IL1R1: variants seen among roughly 807,000 people sequenced by gnomAD.
IL1R1 encodes interleukin-1 receptor type 1.
Under a neutral mutation model 50.2 loss-of-function variants are expected in IL1R1, and 22 were observed. That is an observed-to-expected ratio of 0.44 (90% CI 0.31 to 0.63). The LOEUF (loss-of-function observed/expected upper bound fraction) is 0.63. Among genes scored for constraint, IL1R1 ranks in the 20% least tolerant of loss-of-function variants. The pLI, the probability that IL1R1 is intolerant of heterozygous loss-of-function variation, is 0.07. For synonymous variants in IL1R1, 251 were observed against 236.7 expected (o/e 1.06, Z -0.55); for missense variants, 509 against 676.2 (o/e 0.75, Z 2.74).
intron 1 of IL1R1, among the ~76,000 whole-genome samples, chr2:102,124,101 T>C (rs1431932728): frequency 6.6e-6 from 1 of 152,064 alleles, no homozygotes; most frequent in Admixed American, 6.6e-5. Context: ...TGGACACCTG[T>C]ATTAGTCTGT....
At chr2:102,125,644 G>T (rs1681670706) in intron 1 of IL1R1, among the ~76,000 whole-genome samples, 1 of 152,188 alleles carries the variant, frequency 6.6e-6, no homozygotes, top group Admixed American at 6.5e-5. Context: ...TCACTGCTGG[G>T]GTATCAGCTG....
At chr2:102,151,831 G>A (rs1683684942) in intron 1 of IL1R1, among the ~76,000 whole-genome samples, 1 of 152,206 alleles carries the variant, frequency 6.6e-6, no homozygotes, top group African/African-American at 2.4e-5. Context: ...TCCAGACCCA[G>A]GAGGTGCCAT....
chr2:102,099,627 G>C (rs985853955), upstream of IL1R1, among the ~76,000 whole-genome samples: 2 of 152,180 alleles, frequency 1.3e-5, no homozygotes, highest in African/African-American at 4.8e-5. Flanking sequence ...GCCATGACAA[G>C]AGCGTGTCTG....
At chr2:102,112,581 C>T (rs1325832633) in intron 1 of IL1R1, among the ~76,000 whole-genome samples, 1 of 152,076 alleles carries the variant, frequency 6.6e-6, no homozygotes, top group Non-Finnish European at 1.5e-5. Context: ...AGAATTGCCC[C>T]AATCAGGTGT....
At chr2:102,151,417 G>GT (rs1425065865) in intron 1 of IL1R1, among the ~76,000 whole-genome samples, 1 of 152,142 alleles carries the variant, frequency 6.6e-6, no homozygotes, top group African/African-American at 2.4e-5. Flanking sequence ...AAAATGGTGG[G>GT]TAGGTAGGTA....
chr2:102,095,591 G>A (rs184036622), intron 1 of IL1R1, among the ~76,000 whole-genome samples: 169 of 152,284 alleles, frequency 1.1e-3, no homozygotes, highest in Middle Eastern at 6.8e-3. Flanking sequence ...GAAGTTTTCT[G>A]TATACCTCTC....
In IL1R1 at chr2:102,126,590, G is replaced by GT. The variant is rs80318019; in HGVS notation, c.-84+21733dup. Among the ~76,000 whole-genome samples, 1,251 of 140,456 alleles carry GT rather than the reference G, an allele frequency of 8.9e-3. 4 individuals carry two copies. The highest frequency in any genetic ancestry group is 0.014 in the Middle Eastern group (4 of 280). The allele number at this position is 140,456 out of a possible 152,430, so 92.1% of individuals were successfully genotyped here. A position where few individuals can be genotyped will look rare whatever the true frequency, so the allele number is the denominator to read the frequency against. On this transcript the variant is annotated intron_variant, in intron 1 of 10. Transcript: ENST00000409329. ...TGAGGTCTGGTGAGATGTTTGAAAG[G>GT]TTTTTTTTTTTTTTTAAGGATAGAG...
intron 1 of IL1R1, among the ~76,000 whole-genome samples, chr2:102,098,293 A>G (rs958876800): frequency 1.3e-5 from 2 of 152,132 alleles, no homozygotes; most frequent in East Asian, 3.8e-4. Flanking sequence ...CTAGAAGTAA[A>G]TCTTGTACTC....
In IL1R1 at chr2:102,164,846, C is replaced by T; in HGVS notation, c.134C>T (p.Pro45Leu). Reference protein sequence around the residue: ...SANEIDVRPCPLNPNEHKGTI... With the variant: ...SANEIDVRPCLLNPNEHKGTI... ...AATGAAATTGATGTTCGTCCCTGTC[C>T]TCTTAACCCAAATGAACACAAAGGC... Residue 45 changes from proline to leucine, a missense_variant, in exon 4 of 12, where the codon CCT (proline) becomes CTT (leucine). Coordinates refer to ENST00000410023, the MANE Select transcript of IL1R1 (RefSeq NM_000877.4). The T allele has an allele frequency of 1.2e-6, 2 of 1,613,954 alleles. No homozygotes were observed. Among genetic ancestry groups the T allele is most frequent in the Non-Finnish European group, 1.7e-6 (2 of 1,179,932 alleles).
intron 1 of IL1R1, among the ~76,000 whole-genome samples, chr2:102,073,747 T>C (rs905647194): frequency 1.6e-4 from 25 of 152,104 alleles, no homozygotes; most frequent in African/African-American, 5.6e-4. Context: ...TAGGAGACCA[T>C]ACCATACTCA....
intron 3 of IL1R1, among the ~76,000 whole-genome samples, chr2:102,160,143 G>T (rs1684584577): frequency 6.6e-6 from 1 of 152,058 alleles, no homozygotes. Context: ...CTTCTCAAGG[G>T]AGCTTTAATA....
At chr2:102,110,420 G>A (rs1680685528) in intron 1 of IL1R1, among the ~76,000 whole-genome samples, 1 of 147,012 alleles carries the variant, frequency 6.8e-6, no homozygotes, top group South Asian at 2.3e-4. Context: ...ATATATTTCA[G>A]AATTACCCAC....
chr2:102,103,463 C>T (rs1024586691), upstream of IL1R1, among the ~76,000 whole-genome samples: 1 of 152,148 alleles, frequency 6.6e-6, no homozygotes, highest in African/African-American at 2.4e-5. Flanking sequence ...AGCAGTGCCT[C>T]TTAGGGTCAG....
intron 1 of IL1R1, among the ~76,000 whole-genome samples, chr2:102,118,825 G>C (rs949676698): frequency 6.6e-6 from 1 of 151,932 alleles, no homozygotes; most frequent in Non-Finnish European, 1.5e-5. Context: ...AGACCATCCC[G>C]GCTAACATGG....
At chr2:102,096,100 C>G (rs1679892929) in intron 1 of IL1R1, among the ~76,000 whole-genome samples, 2 of 152,190 alleles carry the variant, frequency 1.3e-5, no homozygotes, top group Non-Finnish European at 2.9e-5. Context: ...ATATGTAGCA[C>G]AACTTAGTTT....
chr2:102,097,449 C>G (rs72817890), intron 1 of IL1R1, among the ~76,000 whole-genome samples: 1 of 152,142 alleles, frequency 6.6e-6, no homozygotes, highest in South Asian at 2.1e-4. Context: ...GCAATAATCT[C>G]TTAATTGCTA....
intron 1 of IL1R1, among the ~76,000 whole-genome samples, chr2:102,106,477 A>G (rs1680418412): frequency 6.6e-6 from 1 of 152,186 alleles, no homozygotes; most frequent in Non-Finnish European, 1.5e-5. Flanking sequence ...TGAGCACAAG[A>G]CTGTTAGTTT....
upstream of IL1R1, chr2:102,104,418 G>C (rs912877345): frequency 1.3e-5 from 2 of 152,322 alleles, no homozygotes; most frequent in Non-Finnish European, 2.9e-5. Context: ...AAAGTCATGA[G>C]AGGAAAGCAC....
At chr2:102,093,686 G>A (rs1467880573) in intron 1 of IL1R1, among the ~76,000 whole-genome samples, 1 of 152,088 alleles carries the variant, frequency 6.6e-6, no homozygotes, top group South Asian at 2.1e-4. Flanking sequence ...TTTTCAATTG[G>A]CTTATTTATT....
Sources: gnomAD v4.1 joint callset for allele counts (sites outside exome capture counted in the v4.1 genomes callset) on GRCh38, gnomAD v4.1.1 for gene constraint, MANE v1.5 for transcripts, NCBI Gene and HGNC (gene_info 2026-07-23, HGNC 2026-07-21) for gene names.